Variants in CRBN observed in about 807,000 individuals in gnomAD.
The protein encoded by CRBN is protein cereblon.
Under a neutral mutation model 62.2 loss-of-function variants are expected in CRBN, and 53 were observed. That is an observed-to-expected ratio of 0.85 (90% CI 0.68 to 1.07). The LOEUF is 1.07. Ranked by LOEUF, CRBN falls within the 50% of genes least tolerant of loss-of-function variation. The pLI is 0.00. For synonymous variants in CRBN, 208 were observed against 176.1 expected, an observed-to-expected ratio of 1.18 and a Z score of -1.43; for missense variants, 616 against 531.1, an observed-to-expected ratio of 1.16 and a Z score of -1.57.
chr3:3,179,238 A>G (rs959416515), intron 1 of CRBN, among the ~76,000 whole-genome samples: 3 of 152,230 alleles, frequency 2.0e-5, no homozygotes, highest in African/African-American at 4.8e-5. Flanking sequence ...TGCTTAGTAC[A>G]TGTTAGCTGT....
At chr3:3,161,774 T>C (rs1179590790) in intron 5 of CRBN, among the ~76,000 whole-genome samples, 1 of 152,242 alleles carries the variant, frequency 6.6e-6, no homozygotes, top group Admixed American at 6.5e-5. Context: ...TCATAAATAT[T>C]TACCTATATA....
chr3:3,171,398 G>A (rs547764433), intron 4 of CRBN, among the ~76,000 whole-genome samples: 2 of 149,190 alleles, frequency 1.3e-5, no homozygotes, highest in African/African-American at 4.9e-5. Flanking sequence ...ACCCCCACCC[G>A]CCCCAGGAGA....
At chr3:3,164,468 C>G (rs960152655) in intron 5 of CRBN, among the ~76,000 whole-genome samples, 1 of 152,176 alleles carries the variant, frequency 6.6e-6, no homozygotes, top group African/African-American at 2.4e-5. Context: ...CCCTAAGTCT[C>G]CTTTCAGGGG....
chr3:3,177,220 A>G (rs1707860659), intron 1 of CRBN, among the ~76,000 whole-genome samples: 1 of 152,246 alleles, frequency 6.6e-6, no homozygotes, highest in African/African-American at 2.4e-5. Flanking sequence ...GTATTTTTAA[A>G]TGCCCCAAAT....
At chr3:3,169,518 T>C (rs1340443207) in intron 4 of CRBN, among the ~76,000 whole-genome samples, 2 of 152,142 alleles carry the variant, frequency 1.3e-5, no homozygotes, top group African/African-American at 4.8e-5. Flanking sequence ...TGCACTCAAA[T>C]TGCCTTGTGA....
In CRBN at chr3:3,163,238, C is replaced by T. The variant is rs116838902; in HGVS notation, c.687+4396G>A. Among the ~76,000 whole-genome samples, 274 of 152,296 alleles carry T rather than the reference C, an allele frequency of 1.8e-3. 2 individuals are homozygous for T. Among genetic ancestry groups the T allele is most frequent in the African/African-American group, 6.2e-3 (257 of 41,550 alleles). The stretch of plus-strand genomic sequence containing the variant: ...CAAGGGAACCCTGTAGATAACCTGA[C>T]GTATATGGGATGGAGTTATTTGTAT... On this transcript the variant is annotated intron_variant, in intron 5 of 10. Coordinates refer to ENST00000231948, the MANE Select transcript of CRBN (RefSeq NM_016302.4).
chr3:3,179,570 C>T (rs750562754), intron 1 of CRBN, 51 bp downstream of exon 1: 2 of 1,573,052 alleles, frequency 1.3e-6, no homozygotes, highest in South Asian at 2.2e-5. Flanking sequence ...CCGCTAGCGG[C>T]TCCGAGCCTC....
At chr3:3,174,644 CA>C (rs933360271) in intron 2 of CRBN, among the ~76,000 whole-genome samples, 3 of 144,662 alleles carry the variant, frequency 2.1e-5, no homozygotes, top group African/African-American at 7.7e-5. Context: ...CACTCTGTCT[CA>C]AAAAAAAAGA....
At chr3:3,154,566 T>C (rs530031142) in intron 7 of CRBN, 181 bp downstream of exon 7, 32 of 564,824 alleles carry the variant, frequency 5.7e-5, no homozygotes, top group African/African-American at 4.8e-4. Context: ...GAGGATTTTA[T>C]TGCAATTAAT....
At chr3:3,167,864 C>A in intron 4 of CRBN, 71 bp from the exon 5 acceptor site, 1 of 1,458,516 alleles carries the variant, frequency 6.9e-7, no homozygotes, top group South Asian at 1.2e-5. Context: ...AGTTTCTAAA[C>A]AGTGATAATT....
At chr3:3,179,514 T>A in intron 1 of CRBN, 107 bp downstream of exon 1, 1 of 1,113,836 alleles carries the variant, frequency 9.0e-7, no homozygotes, top group Non-Finnish European at 1.3e-6. Context: ...CTGGGCTGGC[T>A]CGCCAGGCTT....
chr3:3,166,019 C>T (rs940639577), intron 5 of CRBN, among the ~76,000 whole-genome samples: 1 of 152,142 alleles, frequency 6.6e-6, no homozygotes, highest in Non-Finnish European at 1.5e-5. Flanking sequence ...AGCAAAATTT[C>T]TCACAGTTCA....
At chr3:3,167,599 AT>A in intron 5 of CRBN, 34 bp downstream of exon 5, 1 of 1,601,174 alleles carries the variant, frequency 6.2e-7, no homozygotes, top group Non-Finnish European at 8.5e-7. Flanking sequence ...ACCTGTCTTC[AT>A]TTTTTGAAGA....
intron 8 of CRBN, 47 bp downstream of exon 8, chr3:3,153,913 C>A (rs1386812297): frequency 1.7e-6 from 2 of 1,204,228 alleles, no homozygotes; most frequent in South Asian, 1.2e-5. Flanking sequence ...CCTAGTTCTC[C>A]AGCCTGAATA....
At chr3:3,178,804 A>G (rs564134295) in intron 1 of CRBN, among the ~76,000 whole-genome samples, 1 of 152,312 alleles carries the variant, frequency 6.6e-6, no homozygotes, top group East Asian at 1.9e-4. Flanking sequence ...GACTCAAGTA[A>G]TACTTTCAAG....
intron 5 of CRBN, among the ~76,000 whole-genome samples, chr3:3,159,045 A>G (rs896224216): frequency 1.3e-5 from 2 of 152,174 alleles, no homozygotes; most frequent in Non-Finnish European, 2.9e-5. Flanking sequence ...CATCATGTGA[A>G]GAAGAACATG....
At chr3:3,166,883 G>T (rs940682073) in intron 5 of CRBN, among the ~76,000 whole-genome samples, 1 of 151,062 alleles carries the variant, frequency 6.6e-6, no homozygotes, top group Non-Finnish European at 1.5e-5. Flanking sequence ...CTCAACAAAG[G>T]AATGATTAAT....
intron 3 of CRBN, 86 bp from the exon 4 acceptor site, chr3:3,173,011 A>C: frequency 1.0e-6 from 1 of 957,986 alleles, no homozygotes. Flanking sequence ...AATACAGGTA[A>C]ACAATTTATA....
At chr3:3,167,537 G>T in intron 5 of CRBN, 97 bp downstream of exon 5, 1 of 1,182,320 alleles carries the variant, frequency 8.5e-7, no homozygotes, top group Non-Finnish European at 1.2e-6. Flanking sequence ...CAAGGTGGCT[G>T]GGTAATGAAT....
Sources: gnomAD v4.1 joint callset for allele counts (sites outside exome capture counted in the v4.1 genomes callset) on GRCh38, gnomAD v4.1.1 for gene constraint, MANE v1.5 for transcripts, NCBI Gene and HGNC (gene_info 2026-07-23, HGNC 2026-07-21) for gene names.